Variants in MCM3 observed in about 807,000 individuals in gnomAD.
MCM3 encodes the protein DNA replication licensing factor MCM3.
In MCM3, 59 loss-of-function variants were observed where a neutral mutation model predicts 91.3. The observed-to-expected ratio is 0.65, with a 90% CI of 0.52 to 0.80. The LOEUF (loss-of-function observed/expected upper bound fraction) is 0.80, where lower values mean the gene tolerates loss of function less well. MCM3 is among the 30% of genes least tolerant of loss of function. MCM3 has a pLI of 0.00. For synonymous variants in MCM3, 383 were observed against 379.6 expected (o/e 1.01, Z -0.10); for missense variants, 919 against 1,035.4 (o/e 0.89, Z 1.54).
rs1765362464 is a variant in MCM3, at chr6:52,274,052, G to C, written c.1375-136C>G. The C allele has an allele frequency of 4.6e-6, 3 of 646,868 alleles. No individual in the cohort carries two copies. The African/African-American group carries it at 5.5e-5, about 12-fold the overall frequency. The allele number at this position is 646,868 out of a possible 1,614,324, so 40.1% of individuals were successfully genotyped here. A position where few individuals can be genotyped will look rare whatever the true frequency, so the allele number is the denominator to read the frequency against. On this transcript the variant is annotated intron_variant, in intron 9 of 16. Transcript: ENST00000596288. ...AACAGACAAAAAGCAGTGAAAAAGG[G>C]AAGTGTTTTAAAGCCATTAAACAAT...
intron 9 of MCM3, among the ~76,000 whole-genome samples, chr6:52,275,765 A>G (rs369600016): frequency 7.2e-4 from 110 of 152,338 alleles, no homozygotes; most frequent in Middle Eastern, 3.4e-3. Context: ...AACCCCACGC[A>G]CAGACAAATA....
In MCM3 at chr6:52,269,230, G is replaced by C; in HGVS notation, c.1828-4C>G. On this transcript the variant is annotated splice_polypyrimidine_tract_variant and splice_region_variant and intron_variant, in intron 12 of 16. Coordinates refer to ENST00000596288, the MANE Select transcript of MCM3 (RefSeq NM_002388.6). Reference sequence around the variant, plus strand: ...TTCGGGCTGTAACTGGAGATGTCTAGGGAAGAAAAGGGAGGATTGCTTATC... The same window carrying C: ...TTCGGGCTGTAACTGGAGATGTCTACGGAAGAAAAGGGAGGATTGCTTATC... The C allele has an allele frequency of 6.2e-7, 1 of 1,603,962 alleles. No individual in the cohort carries two copies. Among genetic ancestry groups the C allele is most frequent in the Non-Finnish European group, 8.5e-7 (1 of 1,171,924 alleles).
chr6:52,273,339 C>T lies in MCM3; in HGVS notation c.1567G>A (p.Ala523Thr). The change falls in exon 11 of 17, where the codon GCT (alanine) becomes ACT (threonine). Residue 523 changes from alanine (A) to threonine (T), a missense_variant. Coordinates refer to ENST00000596288, the MANE Select transcript of MCM3 (RefSeq NM_002388.6). ...TCATCTGTGGCCAGGATATCCACAG[C>T]ACTACCCAAGGGCATAGCTGGTATA... Reference protein sequence around the residue: ...QDGDAMPLGSAVDILATDDPN... With the variant: ...QDGDAMPLGSTVDILATDDPN... 6.2e-7 allele frequency: 1 copy of T among 1,614,142 alleles called. No homozygotes were observed. Among genetic ancestry groups the T allele is most frequent in the Admixed American group, 1.7e-5 (1 of 60,014 alleles).
Position 52,276,449 on chromosome 6 carries a change from A to G in MCM3, c.1193T>C (p.Met398Thr), listed in dbSNP as rs749835300. The change falls in exon 9 of 17, where the codon ATG becomes ACG. Residue 398 changes from methionine to threonine, a missense_variant. Coordinates refer to ENST00000596288, the MANE Select transcript of MCM3 (RefSeq NM_002388.6). ...AACCACGCCTCGGTCAGCCAGGACC[A>G]TGGCCCCTGCTTCCAGACGGCGCTC... ...TGERRLEAGAMVLADRGVVCI... is the reference protein window; with the variant it reads ...TGERRLEAGATVLADRGVVCI... 1 of 1,614,206 alleles carries G rather than the reference A, an allele frequency of 6.2e-7. No individual in the cohort carries two copies. Among genetic ancestry groups the G allele is most frequent in the Non-Finnish European group, 8.5e-7 (1 of 1,180,020 alleles).
intron 5 of MCM3, 98 bp downstream of exon 5, chr6:52,279,263 A>C (rs1405674052): frequency 4.0e-6 from 4 of 993,682 alleles, no homozygotes; most frequent in South Asian, 3.0e-5. Context: ...TCCACCTATC[A>C]GATATAACTC....
intron 14 of MCM3, among the ~76,000 whole-genome samples, chr6:52,267,554 ATCTC>A (rs1300624318): frequency 2.7e-5 from 3 of 112,272 alleles, no homozygotes; most frequent in Non-Finnish European, 5.5e-5. Flanking sequence ...TTGAGATGGG[ATCTC>A]TCTCTGTCGC....
At chr6:52,279,316 G>A (rs1400232587) in intron 5 of MCM3, 45 bp downstream of exon 5, 3 of 1,495,970 alleles carry the variant, frequency 2.0e-6, no homozygotes, top group Admixed American at 1.8e-5. Flanking sequence ...ACCAGAAATG[G>A]AAGCTGTCAA....
Position 52,279,454 on chromosome 6 carries a change from A to G in MCM3, c.677T>C (p.Val226Ala), listed in dbSNP as rs1366260284. The part of the protein sequence containing the change: ...SVDVILDDDL[V>A]DKAKPGDRVQ... ...CCGGTCACCAGGCTTCGCTTTATCCACCAAGTCATCATCCAGAATGACGTC... is the reference window on the plus strand; with the variant it reads ...CCGGTCACCAGGCTTCGCTTTATCCGCCAAGTCATCATCCAGAATGACGTC... The change falls in exon 5 of 17, where the codon GTG becomes GCG. Residue 226 changes from valine (V) to alanine (A), a missense_variant. Around this residue, in one of 3 missense-constraint regions of MCM3, gnomAD observed 401 missense variants for 402.7 expected, o/e 1.00. Transcript: ENST00000596288. 6.2e-7 allele frequency: 1 copy of G among 1,613,970 alleles called. No individual in the cohort carries two copies. Among genetic ancestry groups the G allele is most frequent in the East Asian group, 2.2e-5 (1 of 44,888 alleles).
chr6:52,272,415 G>A lies in MCM3; in HGVS notation c.1713C>T (p.Tyr571=), dbSNP rs574315963. ...KMVSAAFMKK[Y]IHVAKIIKPV... ...GCTTGATGATTTTGGCCACATGGAT[G>A]TACTTCTTCATGAATGCTGCACTCA... Residue 571 remains tyrosine, a synonymous_variant, in exon 12 of 17, where the codon TAC becomes TAT. Transcript: ENST00000596288. The A allele has an allele frequency of 4.3e-6, 7 of 1,614,144 alleles. No individual in the cohort carries two copies. The South Asian group carries it at 5.5e-5, about 13-fold the overall frequency.
At chr6:52,279,033 C>G (rs1423059446) in intron 5 of MCM3, among the ~76,000 whole-genome samples, 183 bp from the exon 6 acceptor site, 2 of 152,198 alleles carry the variant, frequency 1.3e-5, no homozygotes, top group Non-Finnish European at 2.9e-5. Flanking sequence ...TCCAAATATG[C>G]TGATCATGCC....
At position 52,266,657 on chromosome 6, in the gene MCM3, T is replaced by C; in HGVS notation, c.2112A>G (p.Ser704=). 6.2e-7 allele frequency: 1 copy of C among 1,614,186 alleles called. No homozygotes were observed. Among genetic ancestry groups the C allele is most frequent in the Non-Finnish European group, 8.5e-7 (1 of 1,180,020 alleles). Residue 704 remains serine (S), a synonymous_variant, in exon 15 of 17, where the codon TCA becomes TCG. Transcript: ENST00000596288. ...TGTCACTGAAGTCATAGGGGTCGTA[T>C]GAATCCCCATCTTTGGCATCTGGCT... ...TRQPDAKDGD[S]YDPYDFSDTE...
At chr6:52,281,955 A>C in intron 4 of MCM3, 90 bp downstream of exon 4, 12 of 1,351,344 alleles carry the variant, frequency 8.9e-6, no homozygotes, top group Non-Finnish European at 1.2e-5. Context: ...TTACAGAAAA[A>C]AGACTTCAGA....
chr6:52,268,080 A>G, intron 13 of MCM3, 112 bp from the exon 14 acceptor site: 2 of 1,463,124 alleles, frequency 1.4e-6, no homozygotes, highest in South Asian at 2.3e-5. Flanking sequence ...CCATGTTTCC[A>G]ATGGTTTACC....
chr6:52,282,869 T>C lies in MCM3; in HGVS notation c.192-8A>G, dbSNP rs1330359489. 6 of 1,611,562 alleles carry C rather than the reference T, an allele frequency of 3.7e-6. No homozygotes were observed. The highest frequency in any genetic ancestry group is 1.7e-5 in the Admixed American group (1 of 59,756). ...AAGGCATTGTTCAGAAGCCTGTACA[T>C]AAGCAAGAGAAAGAAAAATTAGACT... On this transcript the variant is annotated splice_polypyrimidine_tract_variant and splice_region_variant and intron_variant, in intron 2 of 16. Coordinates refer to ENST00000596288, the MANE Select transcript of MCM3 (RefSeq NM_002388.6).
At chr6:52,277,032 T>C (rs1358751869) in intron 8 of MCM3, 35 bp downstream of exon 8, 1 of 1,600,852 alleles carries the variant, frequency 6.2e-7, no homozygotes, top group Non-Finnish European at 8.5e-7. Flanking sequence ...TCAGGCTCTC[T>C]GCTGGGCCTT....
intron 4 of MCM3, 82 bp from the exon 5 acceptor site, chr6:52,279,681 T>G: frequency 9.7e-7 from 1 of 1,033,598 alleles, no homozygotes; most frequent in South Asian, 1.6e-5. Flanking sequence ...GCAAATAAGA[T>G]GACTTCATAA....
chr6:52,280,569 C>T (rs1766002551), intron 4 of MCM3, among the ~76,000 whole-genome samples: 1 of 152,224 alleles, frequency 6.6e-6, no homozygotes, highest in African/African-American at 2.4e-5. Context: ...CAGGTGTTAA[C>T]TCCAAAGCCC....
At position 52,277,127 on chromosome 6, in the gene MCM3, T is replaced by C; in HGVS notation, c.1105A>G (p.Thr369Ala). ...CCCACTCCAGAGGAGCCCCGGCCAG[T>C]GGTGGGGATAGCTCGGGGTGCAGTG... ...LCTAPRAIPT[T>A]GRGSSGVGLT... The change falls in exon 8 of 17, where the codon ACT becomes GCT. Residue 369 changes from threonine to alanine, a missense_variant. Physicochemically the swap from Thr to Ala is moderately conservative, Grantham distance 58. Around this residue, in one of 3 missense-constraint regions of MCM3, gnomAD observed 233 missense variants for 321.2 expected, o/e 0.73. Coordinates refer to ENST00000596288, the MANE Select transcript of MCM3 (RefSeq NM_002388.6). 1.2e-6 allele frequency: 2 copies of C among 1,614,024 alleles called. No individual in the cohort carries two copies. Among genetic ancestry groups the C allele is most frequent in the Non-Finnish European group, 1.7e-6 (2 of 1,179,986 alleles).
intron 9 of MCM3, among the ~76,000 whole-genome samples, chr6:52,274,430 A>G (rs548997421): frequency 6.6e-6 from 1 of 152,316 alleles, no homozygotes; most frequent in South Asian, 2.1e-4. Flanking sequence ...CTGTAATCCC[A>G]GCACTTTGGG....
Sources: allele counts gnomAD v4.1 joint callset (sites outside exome capture counted in the v4.1 genomes callset), GRCh38; gene constraint gnomAD v4.1.1; regional missense constraint gnomAD v4.1.1; transcripts MANE v1.5; gene names NCBI Gene and HGNC (gene_info 2026-07-23, HGNC 2026-07-21).